VAV3: variants seen among roughly 807,000 people sequenced by gnomAD.
The protein encoded by VAV3 is vav guanine nucleotide exchange factor 3.
A neutral mutation model predicts 131.2 loss-of-function variants in VAV3; 94 were observed. The ratio of observed to expected loss-of-function variants is 0.72; its 90% CI spans 0.61 to 0.85. The LOEUF (loss-of-function observed/expected upper bound fraction) is 0.85. Ranked by LOEUF, VAV3 falls within the 40% of genes least tolerant of loss-of-function variation. The probability of loss-of-function intolerance (pLI) is 0.00; values close to 1 mark genes in which losing one functional copy is unlikely to be tolerated. For missense variants in VAV3, 939 were observed against 1,002.7 expected (o/e 0.94, Z 0.86); for synonymous variants, 349 against 342.0 (o/e 1.02, Z -0.22).
At chr1:107,767,800 A>AT (rs778734280) in intron 7 of VAV3, among the ~76,000 whole-genome samples, 1 of 152,246 alleles carries the variant, frequency 6.6e-6, no homozygotes, top group Non-Finnish European at 1.5e-5. Flanking sequence ...TTGGCATGAC[A>AT]TTTAGCTTGC....
chr1:107,779,392 C>G, intron 3 of VAV3, 42 bp downstream of exon 3: 1 of 1,529,712 alleles, frequency 6.5e-7, no homozygotes, highest in Non-Finnish European at 8.8e-7. Flanking sequence ...AATCATTACA[C>G]TGAACTCAAT....
intron 2 of VAV3, among the ~76,000 whole-genome samples, chr1:107,853,666 A>G (rs755044700): frequency 6.8e-4 from 104 of 152,302 alleles, no homozygotes; most frequent in Non-Finnish European, 1.3e-3. Context: ...CAGGACACAG[A>G]AAGACCATCA....
chr1:107,935,690 G>C (rs957123147), intron 1 of VAV3, among the ~76,000 whole-genome samples: 14 of 152,178 alleles, frequency 9.2e-5, no homozygotes, highest in African/African-American at 3.4e-4. Context: ...GGGTGCAGTG[G>C]TGTGCACCAT....
chr1:107,915,767 A>G (rs2101132470), intron 1 of VAV3, among the ~76,000 whole-genome samples: 1 of 152,326 alleles, frequency 6.6e-6, no homozygotes, highest in African/African-American at 2.4e-5. Context: ...TGATTAGTGA[A>G]TGAATGTCAA....
At chr1:107,892,882 T>C (rs771472315) in intron 1 of VAV3, among the ~76,000 whole-genome samples, 1 of 152,176 alleles carries the variant, frequency 6.6e-6, no homozygotes, top group Non-Finnish European at 1.5e-5. Context: ...GCAATAATAT[T>C]TCAACAATAA....
At chr1:107,585,066 T>G (rs751672049) in intron 25 of VAV3, among the ~76,000 whole-genome samples, 1 of 152,206 alleles carries the variant, frequency 6.6e-6, no homozygotes, top group Admixed American at 6.5e-5. Flanking sequence ...ATGATTGATT[T>G]TGGATTGAGA....
intron 1 of VAV3, among the ~76,000 whole-genome samples, chr1:107,919,280 T>A (rs1672772783): frequency 6.6e-6 from 1 of 152,210 alleles, no homozygotes; most frequent in Non-Finnish European, 1.5e-5. Flanking sequence ...CTACTGCTCA[T>A]CAATTTAAGC....
chr1:107,646,401 A>G (rs1570677144), intron 19 of VAV3, among the ~76,000 whole-genome samples: 1 of 152,052 alleles, frequency 6.6e-6, no homozygotes, highest in Admixed American at 6.6e-5. Context: ...TGCTCACCCA[A>G]ATATGAATAT....
intron 2 of VAV3, among the ~76,000 whole-genome samples, chr1:107,852,399 G>A (rs529945842): frequency 2.6e-5 from 4 of 152,150 alleles, no homozygotes; most frequent in Admixed American, 2.6e-4. Context: ...AAATAGAAAA[G>A]GAATAAAAAC....
chr1:107,753,485 TATATATATACACAC>T (rs1170005760), intron 12 of VAV3, among the ~76,000 whole-genome samples: 9 of 110,516 alleles, frequency 8.1e-5, no homozygotes, highest in East Asian at 2.5e-4. Flanking sequence ...TGTGTGTGTG[TATATATATACACAC>T]ATATATATAC....
chr1:107,704,834 G>A (rs1208474401), intron 16 of VAV3, 126 bp downstream of exon 16: 1 of 1,108,432 alleles, frequency 9.0e-7, no homozygotes, highest in African/African-American at 1.6e-5. Flanking sequence ...AAAGGTTTGT[G>A]GGATCCAGAC....
intron 1 of VAV3, among the ~76,000 whole-genome samples, chr1:107,882,055 C>T (rs1439804751): frequency 1.3e-5 from 2 of 151,920 alleles, no homozygotes; most frequent in African/African-American, 2.4e-5. Context: ...AAATAAACAC[C>T]GACTTCTCCA....
Position 107,689,395 on chromosome 1 carries a change from T to G in VAV3, c.1706-989A>C, listed in dbSNP as rs115078384. Among the ~76,000 whole-genome samples the G allele has an allele frequency of 1.8e-3, 267 of 152,026 alleles. 2 individuals are homozygous for G. Among genetic ancestry groups the G allele is most frequent in the African/African-American group, 6.3e-3 (261 of 41,446 alleles). Reference sequence around the variant, plus strand: ...GATTCTAAGAAGCTCCCAGCCAGAGTTGAAGGGGAAAACTCCTGCCAGGCC... The same window carrying G: ...GATTCTAAGAAGCTCCCAGCCAGAGGTGAAGGGGAAAACTCCTGCCAGGCC... On this transcript the variant is annotated intron_variant, in intron 17 of 26. Transcript: ENST00000370056.
intron 2 of VAV3, among the ~76,000 whole-genome samples, chr1:107,831,301 A>G (rs1668239356): frequency 6.6e-6 from 1 of 152,222 alleles, no homozygotes; most frequent in African/African-American, 2.4e-5. Flanking sequence ...TACCAATTTG[A>G]TATTACCAAC....
chr1:107,865,439 A>T (rs1079061), intron 2 of VAV3, among the ~76,000 whole-genome samples: 5 of 152,048 alleles, frequency 3.3e-5, no homozygotes, highest in African/African-American at 9.7e-5. Flanking sequence ...GAGTCACCGC[A>T]GACAAGGGAC....
Position 107,878,317 on chromosome 1 carries a change from AT to A in VAV3, c.205-3301del, listed in dbSNP as rs1452181186. Among the ~76,000 whole-genome samples, 4 of 152,288 alleles carry A rather than the reference AT, an allele frequency of 2.6e-5. No homozygotes were observed. The Middle Eastern group carries it at 0.014, about 518-fold the overall frequency. ...ATTAACAATAATTTCATATTATCTA[AT>A]ATCCATTCCATATTCAAATTTCCTC... is the stretch of plus-strand genomic sequence containing the variant. On this transcript the variant is annotated intron_variant, in intron 1 of 26. Coordinates refer to ENST00000370056, the MANE Select transcript of VAV3 (RefSeq NM_006113.5).
Position 107,617,572 on chromosome 1 carries a change from G to T in VAV3, c.1975C>A (p.Pro659Thr). Residue 659 changes from proline to threonine, a missense_variant, in exon 21 of 27, where the codon CCA becomes ACA. Pro to Thr is a conservative substitution (Grantham distance 38). Transcript: ENST00000370056. ...FFPSDAVKPC[P>T]CVPKPVDYSC... ...ATTAAGATACTAATACTTACACATG[G>T]GCAAGGCTTGACTGCATCACTTGGA... 1 of 1,611,244 alleles carries T rather than the reference G, an allele frequency of 6.2e-7. No homozygotes were observed. The highest frequency in any genetic ancestry group is 8.5e-7 in the Non-Finnish European group (1 of 1,178,662).
chr1:107,615,321 GA>G (rs1044333742), intron 21 of VAV3, among the ~76,000 whole-genome samples: 1 of 152,082 alleles, frequency 6.6e-6, no homozygotes, highest in African/African-American at 2.4e-5. Context: ...CACAGGAAAG[GA>G]AAAGCAAATA....
chr1:107,850,611 A>T (rs1193958514), intron 2 of VAV3, among the ~76,000 whole-genome samples: 1 of 152,086 alleles, frequency 6.6e-6, no homozygotes, highest in Non-Finnish European at 1.5e-5. Context: ...TAGGAGAAGT[A>T]CCTAGTGTAG....
Sources: gnomAD v4.1 joint callset for allele counts (sites outside exome capture counted in the v4.1 genomes callset) on GRCh38, gnomAD v4.1.1 for gene constraint, MANE v1.5 for transcripts, NCBI Gene and HGNC (gene_info 2026-07-23, HGNC 2026-07-21) for gene names.